The following FGF1 variants were observed in gnomAD, a reference collection of about 807,000 sequenced individuals.
FGF1 encodes the protein fibroblast growth factor 1, also known as beta-endothelial cell growth factor.
FGF1 carries 9 observed loss-of-function variants against 13.4 expected under a neutral mutation model. That is an observed-to-expected ratio of 0.67 (90% CI 0.40 to 1.17). The LOEUF (loss-of-function observed/expected upper bound fraction) is 1.17. Ranked by LOEUF, FGF1 falls within the 50% of genes most tolerant of loss-of-function variation. The pLI is 0.01. For missense variants in FGF1, 156 were observed against 192.7 expected (o/e 0.81, Z 1.13); for synonymous variants, 93 against 79.0 (o/e 1.18, Z -0.94).
At chr5:142,623,009 G>A (rs1761899786) in intron 1 of FGF1, among the ~76,000 whole-genome samples, 2 of 152,220 alleles carry the variant, frequency 1.3e-5, no homozygotes, top group Non-Finnish European at 2.9e-5. Flanking sequence ...AAATATTCAG[G>A]AATTTTACTA....
upstream of FGF1, among the ~76,000 whole-genome samples, chr5:142,689,417 T>C (rs1290321951): frequency 6.6e-6 from 1 of 152,146 alleles, no homozygotes; most frequent in Non-Finnish European, 1.5e-5. Flanking sequence ...CAGACATTCA[T>C]GGGAAATTGT....
chr5:142,629,747 C>T (rs2151922372), intron 1 of FGF1, among the ~76,000 whole-genome samples: 1 of 151,778 alleles, frequency 6.6e-6, no homozygotes, highest in Non-Finnish European at 1.5e-5. Flanking sequence ...CACTGTTACT[C>T]ATCCTGTCTT....
intron 1 of FGF1, among the ~76,000 whole-genome samples, chr5:142,659,643 A>G (rs981670675): frequency 1.3e-5 from 2 of 152,218 alleles, no homozygotes; most frequent in Non-Finnish European, 2.9e-5. Context: ...AGCAGATCCC[A>G]GGAAACCACT....
Position 142,606,796 on chromosome 5 carries a change from C to T in FGF1, c.170-5991G>A, listed in dbSNP as rs55973582. Among the ~76,000 whole-genome samples the T allele has an allele frequency of 6.5e-3, 991 of 152,262 alleles. 16 individuals are homozygous for T. Among genetic ancestry groups the T allele is most frequent in the African/African-American group, 0.022 (907 of 41,532 alleles). On this transcript the variant is annotated intron_variant, in intron 2 of 3. Coordinates refer to ENST00000337706, the MANE Select transcript of FGF1 (RefSeq NM_000800.5). Reference sequence around the variant, plus strand: ...AGGAAATGTTTCCTTCATCCTAACTCTATTTCTTTATAAACAGTTCTGAGG... The same window carrying T: ...AGGAAATGTTTCCTTCATCCTAACTTTATTTCTTTATAAACAGTTCTGAGG...
At chr5:142,675,281 C>G (rs1225173000) in intron 1 of FGF1, among the ~76,000 whole-genome samples, 1 of 152,088 alleles carries the variant, frequency 6.6e-6, no homozygotes, top group Non-Finnish European at 1.5e-5. Context: ...CCTAACGACC[C>G]AGGGGAGCAG....
At chr5:142,619,659 C>G (rs1053018473) in intron 1 of FGF1, among the ~76,000 whole-genome samples, 12 of 151,978 alleles carry the variant, frequency 7.9e-5, no homozygotes, top group Admixed American at 2.0e-4. Context: ...CATGGAGAAA[C>G]CCCGTCTCTA....
At chr5:142,618,633 A>G (rs1185666930) in intron 1 of FGF1, among the ~76,000 whole-genome samples, 1 of 152,202 alleles carries the variant, frequency 6.6e-6, no homozygotes, top group Non-Finnish European at 1.5e-5. Flanking sequence ...GAAATTAGCT[A>G]AGCTCCTCCC....
At chr5:142,648,747 T>A (rs1002369094) in intron 1 of FGF1, among the ~76,000 whole-genome samples, 1 of 148,404 alleles carries the variant, frequency 6.7e-6, no homozygotes, top group African/African-American at 2.5e-5. Flanking sequence ...GGAGAGAAGC[T>A]TTTCTCAAAT....
intron 1 of FGF1, among the ~76,000 whole-genome samples, chr5:142,666,735 T>C (rs970547140): frequency 6.7e-6 from 1 of 148,672 alleles, no homozygotes; most frequent in Non-Finnish European, 1.5e-5. Flanking sequence ...GCCAGGATTT[T>C]GAGAGCAGCC....
At chr5:142,634,029 CA>C (rs35294166) in intron 1 of FGF1, among the ~76,000 whole-genome samples, 98 of 144,050 alleles carry the variant, frequency 6.8e-4, no homozygotes, top group Middle Eastern at 3.6e-3. Flanking sequence ...CTAAAAATAC[CA>C]AAAAAAAAAA....
chr5:142,696,475 A>G lies in FGF1; in HGVS notation c.-35+1147T>C, dbSNP rs182716936. On this transcript the variant is annotated intron_variant, in intron 2 of 4. Transcript: ENST00000407758. ...TGGGTACAGTACCCACATTCGTTCTATGAGATTGACCCTGAGATTCTAGCT... is the reference window on the plus strand; with the variant it reads ...TGGGTACAGTACCCACATTCGTTCTGTGAGATTGACCCTGAGATTCTAGCT... Among the ~76,000 whole-genome samples the G allele has an allele frequency of 3.9e-5, 6 of 152,256 alleles. No individual in the cohort carries two copies. In the East Asian group the frequency reaches 1.2e-3, roughly 29 times the overall value.
chr5:142,679,255 C>A (rs1424465910), intron 1 of FGF1, among the ~76,000 whole-genome samples: 6 of 152,138 alleles, frequency 3.9e-5, no homozygotes, highest in Non-Finnish European at 8.8e-5. Context: ...TTGGTGATGC[C>A]AGGCTTCCTC....
chr5:142,601,055 A>T (rs1756443881), intron 2 of FGF1: 1 of 605,008 alleles, frequency 1.7e-6, no homozygotes, highest in Admixed American at 2.0e-5. Flanking sequence ...CTACCTGTCC[A>T]CCCTGTTGGT....
intron 1 of FGF1, among the ~76,000 whole-genome samples, chr5:142,623,061 T>G (rs1389854413): frequency 1.3e-5 from 2 of 152,204 alleles, no homozygotes; most frequent in Non-Finnish European, 2.9e-5. Context: ...CTGGTGAGAG[T>G]ATTTATATCA....
At chr5:142,615,398 A>G (rs1760020978) in intron 1 of FGF1, among the ~76,000 whole-genome samples, 3 of 152,084 alleles carry the variant, frequency 2.0e-5, no homozygotes, top group Admixed American at 6.6e-5. Flanking sequence ...TAATTTTTAT[A>G]TTTTTAGTAG....
intron 1 of FGF1, among the ~76,000 whole-genome samples, chr5:142,662,997 T>C (rs1240836622): frequency 6.6e-6 from 1 of 152,050 alleles, no homozygotes. Context: ...ATACATTTTT[T>C]TGTAGTTGTA....
intron 1 of FGF1, among the ~76,000 whole-genome samples, chr5:142,681,370 G>A (rs551754283): frequency 3.9e-5 from 6 of 152,292 alleles, no homozygotes; most frequent in African/African-American, 1.4e-4. Flanking sequence ...CGCTTGCTGT[G>A]CTTGGGGCTC....
intron 1 of FGF1, among the ~76,000 whole-genome samples, chr5:142,648,689 CAAAAAAAAA>C (rs11451715): frequency 7.6e-5 from 5 of 66,212 alleles, no homozygotes; most frequent in Non-Finnish European, 1.1e-4. Flanking sequence ...CCCCACCAAC[CAAAAAAAAA>C]AAAAAAAAAA....
intron 1 of FGF1, among the ~76,000 whole-genome samples, chr5:142,637,025 T>A (rs1764366011): frequency 6.6e-6 from 1 of 151,966 alleles, no homozygotes; most frequent in South Asian, 2.1e-4. Flanking sequence ...ATTGCCCAAG[T>A]AAGAGGTCTT....
Sources: gnomAD v4.1 joint callset for allele counts (sites outside exome capture counted in the v4.1 genomes callset) on GRCh38, gnomAD v4.1.1 for gene constraint, MANE v1.5 for transcripts, NCBI Gene and HGNC (gene_info 2026-07-23, HGNC 2026-07-21) for gene names.